The following ENAH variants were observed in gnomAD, a reference collection of about 807,000 sequenced individuals.
The protein encoded by ENAH is ENAH actin regulator, also known as protein enabled homolog.
In ENAH, 23 loss-of-function variants were observed where a neutral mutation model predicts 78.7. That is an observed-to-expected ratio of 0.29 (90% CI 0.21 to 0.41). ENAH has a LOEUF of 0.41. ENAH is among the 10% of genes least tolerant of loss of function. The pLI, the probability that ENAH is intolerant of heterozygous loss-of-function variation, is 1.00. For synonymous variants in ENAH, 226 were observed against 241.0 expected, an observed-to-expected ratio of 0.94 and a Z score of 0.58; for missense variants, 544 against 691.0, an observed-to-expected ratio of 0.79 and a Z score of 2.39.
chr1:225,613,425 G>C (rs1280368298), intron 1 of ENAH, among the ~76,000 whole-genome samples: 1 of 152,204 alleles, frequency 6.6e-6, no homozygotes, highest in Non-Finnish European at 1.5e-5. Context: ...GCAGAGAACA[G>C]TGCCTGGTGG....
At position 225,493,140 on chromosome 1, in the gene ENAH, T is replaced by G. The variant is rs1272545091; in HGVS notation, c.*4635A>C. ...GGTTTCATCTTTCCAGTATTGATAT[T>G]TTAAAAAATCTTGATGTCTCAAAAA... is the stretch of plus-strand genomic sequence containing the variant. On this transcript the variant is annotated 3_prime_UTR_variant, in exon 14 of 14. Coordinates refer to ENST00000366843, the MANE Select transcript of ENAH (RefSeq NM_018212.6). 2 of 152,210 alleles carry G rather than the reference T, an allele frequency of 1.3e-5. No individual in the cohort carries two copies. The highest frequency in any genetic ancestry group is 3.8e-4 in the East Asian group (2 of 5,202). 9.4% of individuals were successfully genotyped at this position (152,210 alleles called of 1,614,324 possible).
rs2096286842 is a variant in ENAH, at chr1:225,502,273, G to A, written c.1539-1203C>T. Among the ~76,000 whole-genome samples, 6 of 152,156 alleles carry A rather than the reference G, an allele frequency of 3.9e-5. No homozygotes were observed. The South Asian group carries it at 1.2e-3, about 32-fold the overall frequency. ...GTCTCCCAGGCTGGAGTGCAGTGGT[G>A]CGATCTTGGCTCACTGCAACCTCCG... On this transcript the variant is annotated intron_variant, in intron 11 of 13. Coordinates refer to ENST00000366843, the MANE Select transcript of ENAH (RefSeq NM_018212.6).
chr1:225,653,598 G>C (rs952407712), upstream of ENAH, among the ~76,000 whole-genome samples: 1 of 152,044 alleles, frequency 6.6e-6, no homozygotes, highest in African/African-American at 2.4e-5. The surrounding 1 kb of genome is among the most constrained non-coding windows in gnomAD (Gnocchi z 4.3). Flanking sequence ...CGCCAGACCC[G>C]TAGGCACCGG....
At position 225,561,636 on chromosome 1, in the gene ENAH, A is replaced by AAAATAAAATAAAATAAAATG. The variant is rs1312813138; in HGVS notation, c.171+5612_171+5613insCATTTTATTTTATTTTATTT. On this transcript the variant is annotated intron_variant, in intron 2 of 13. Coordinates refer to ENST00000366843, the MANE Select transcript of ENAH (RefSeq NM_018212.6). The stretch of plus-strand genomic sequence containing the variant: ...ATTCCGTCTTAAAATAAAATAAAAT[A>AAAATAAAATAAAATAAAATG]AAATAAAATAAAATAAAATAAAATT... Among the ~76,000 whole-genome samples the AAAATAAAATAAAATAAAATG allele has an allele frequency of 3.3e-5, 5 of 151,658 alleles. No individual in the cohort carries two copies. In the South Asian group the frequency reaches 1.0e-3, roughly 32 times the overall value.
chr1:225,616,036 C>T (rs2097029453), intron 1 of ENAH, among the ~76,000 whole-genome samples: 1 of 151,966 alleles, frequency 6.6e-6, no homozygotes, highest in African/African-American at 2.4e-5. Flanking sequence ...TACCCCCAAC[C>T]CCGAGCTCTC....
At chr1:225,651,162 T>C (rs1040417097) in intron 1 of ENAH, among the ~76,000 whole-genome samples, 4 of 152,134 alleles carry the variant, frequency 2.6e-5, no homozygotes, top group Admixed American at 2.0e-4. Flanking sequence ...CTATAATTAC[T>C]ATTTAAACTC....
rs878861137 is a variant in ENAH at position 225,511,928 on chromosome 1, A to G, written c.1423-69T>C. ...TGTTGCTATATACATTTAGTGTTTTACACGAACACTTCTAATATTCTTTCT... is the reference window on the plus strand; with the variant it reads ...TGTTGCTATATACATTTAGTGTTTTGCACGAACACTTCTAATATTCTTTCT... On this transcript the variant is annotated intron_variant, in intron 9 of 13. Coordinates refer to ENST00000366843, the MANE Select transcript of ENAH (RefSeq NM_018212.6). 10 of 996,238 alleles carry G rather than the reference A, an allele frequency of 1.0e-5. No individual in the cohort carries two copies. In the South Asian group the frequency reaches 1.4e-4, roughly 14 times the overall value. The allele number at this position is 996,238 out of a possible 1,614,324, so 61.7% of individuals were successfully genotyped here. A position where few individuals can be genotyped will look rare whatever the true frequency, so the allele number is the denominator to read the frequency against.
intron 13 of ENAH, 86 bp from the exon 14 acceptor site, chr1:225,497,898 T>C (rs1370598207): frequency 2.3e-5 from 28 of 1,215,292 alleles, no homozygotes; most frequent in Middle Eastern, 2.0e-4. Flanking sequence ...ACTTTAAGGA[T>C]TGTGCTCAAA....
chr1:225,608,815 C>CAAAAAA (rs928281132), intron 1 of ENAH, among the ~76,000 whole-genome samples: 2 of 20,664 alleles, frequency 9.7e-5, no homozygotes, highest in African/African-American at 1.6e-4. Flanking sequence ...GACTCTGTCT[C>CAAAAAA]AAAAAAAAAA....
chr1:225,637,397 G>A (rs551226966), intron 1 of ENAH, among the ~76,000 whole-genome samples: 7 of 152,184 alleles, frequency 4.6e-5, no homozygotes, highest in East Asian at 1.9e-4. Context: ...TAGTAGAGAC[G>A]GGGTTTCACC....
intron 1 of ENAH, among the ~76,000 whole-genome samples, chr1:225,640,681 T>A (rs1469064892): frequency 6.6e-6 from 1 of 152,168 alleles, no homozygotes; most frequent in East Asian, 1.9e-4. Context: ...TGTGGCTTAA[T>A]TTCCTCATCT....
At position 225,509,219 on chromosome 1, in the gene ENAH, C is replaced by A. The variant is rs570950516; in HGVS notation, c.1472-1202G>T. ...AATCAGAAACATATCCAAGTGACAC[C>A]AGCCCAAGCAGGTGAAAAAAGGGAA... On this transcript the variant is annotated intron_variant, in intron 10 of 13. Transcript: ENST00000366843. Among the ~76,000 whole-genome samples the A allele has an allele frequency of 2.6e-5, 4 of 152,146 alleles. No individual in the cohort carries two copies. In the South Asian group the frequency reaches 8.3e-4, roughly 32 times the overall value.
Position 225,496,932 on chromosome 1 carries a change from C to T in ENAH, c.*843G>A, listed in dbSNP as rs2096252304. 6.6e-6 allele frequency: 1 copy of T among 152,574 alleles called. No individual in the cohort carries two copies. The highest frequency in any genetic ancestry group is 1.5e-5 in the Non-Finnish European group (1 of 68,034). 9.5% of individuals were successfully genotyped at this position (152,574 alleles called of 1,614,324 possible). On this transcript the variant is annotated 3_prime_UTR_variant, in exon 14 of 14. Coordinates refer to ENST00000366843, the MANE Select transcript of ENAH (RefSeq NM_018212.6). The stretch of plus-strand genomic sequence containing the variant: ...GCTAACCTTGTGGTGATTGTAATTA[C>T]ATTATAAAAATGTCCACATGCATAA...
chr1:225,606,714 G>A (rs1250376504), intron 1 of ENAH, among the ~76,000 whole-genome samples: 2 of 151,292 alleles, frequency 1.3e-5, no homozygotes, highest in African/African-American at 2.4e-5. Flanking sequence ...GTGGTGGAGT[G>A]CACCTGTAGT....
intron 1 of ENAH, among the ~76,000 whole-genome samples, chr1:225,592,397 C>T (rs922050335): frequency 1.3e-5 from 2 of 152,170 alleles, no homozygotes; most frequent in African/African-American, 4.8e-5. Context: ...TGAAGTGCAT[C>T]CCAATGAGGC....
At chr1:225,529,757 C>T (rs2096528745) in intron 4 of ENAH, among the ~76,000 whole-genome samples, 1 of 152,146 alleles carries the variant, frequency 6.6e-6, no homozygotes, top group Non-Finnish European at 1.5e-5. Context: ...AAAGATCTAA[C>T]CTGAGGTCAG....
chr1:225,501,653 A>T (rs12752691), intron 11 of ENAH, among the ~76,000 whole-genome samples: 1 of 152,204 alleles, frequency 6.6e-6, no homozygotes, highest in Non-Finnish European at 1.5e-5. Context: ...AAAAATGTTT[A>T]TTAGATTAGA....
At chr1:225,625,953 C>T (rs575343875) in intron 1 of ENAH, among the ~76,000 whole-genome samples, 1 of 152,290 alleles carries the variant, frequency 6.6e-6, no homozygotes, top group African/African-American at 2.4e-5. Flanking sequence ...ACCACAGTAC[C>T]TCATCCCCCA....
At chr1:225,505,064 G>T in intron 11 of ENAH, 1 of 1,595,848 alleles carries the variant, frequency 6.3e-7, no homozygotes, top group South Asian at 1.1e-5. Context: ...CTATGAAGGG[G>T]AAAACCATTG....
Sources: gnomAD v4.1 joint callset for allele counts (sites outside exome capture counted in the v4.1 genomes callset) on GRCh38, gnomAD v4.1.1 for gene constraint, Gnocchi (gnomAD v3.1) non-coding constraint, MANE v1.5 for transcripts, NCBI Gene and HGNC (gene_info 2026-07-23, HGNC 2026-07-21) for gene names.